The following COL4A5 variants were observed in gnomAD, a reference collection of about 807,000 sequenced individuals.
COL4A5 encodes the protein collagen alpha-5(IV) chain.
Under a neutral mutation model 130.2 loss-of-function variants are expected in COL4A5, and 26 were observed. The observed-to-expected ratio is 0.20, with a 90% CI of 0.15 to 0.28. The LOEUF (loss-of-function observed/expected upper bound fraction) is 0.28. Among genes scored for constraint, COL4A5 ranks in the 10% least tolerant of loss-of-function variants. COL4A5 has a pLI of 1.00. For synonymous variants in COL4A5, 496 were observed against 439.6 expected (o/e 1.13, Z -1.60); for missense variants, 1,131 against 1,344.3 (o/e 0.84, Z 2.48).
At chrX:108,662,477 A>T (rs1043511266) in intron 37 of COL4A5, among the ~76,000 whole-genome samples, 2 of 111,356 alleles carry the variant, frequency 1.8e-5, no homozygotes, top group African/African-American at 6.5e-5. Context: ...TTAGTAAAAA[A>T]CCAATCTCCT....
intron 1 of COL4A5, among the ~76,000 whole-genome samples, chrX:108,478,936 G>A (rs1316616628): frequency 1.8e-5 from 2 of 111,898 alleles, no homozygotes; most frequent in African/African-American, 6.5e-5. Context: ...GTGCCATATC[G>A]AGTGCTCATT....
At chrX:108,668,189 G>T in intron 40 of COL4A5, 130 bp from the exon 41 acceptor site, 1 of 585,480 alleles carries the variant, frequency 1.7e-6, no homozygotes, top group South Asian at 2.8e-5. Context: ...GGTAGATTTG[G>T]GATTTGGTAG....
At chrX:108,537,454 C>T (rs988316289) in intron 1 of COL4A5, among the ~76,000 whole-genome samples, 13 of 110,970 alleles carry the variant, frequency 1.2e-4, no homozygotes, top group East Asian at 2.8e-4. Flanking sequence ...AAATGACATG[C>T]GAGAGTATTT....
chrX:108,523,254 A>G (rs2065282268), intron 1 of COL4A5, among the ~76,000 whole-genome samples: 1 of 111,582 alleles, frequency 9.0e-6, no homozygotes, highest in East Asian at 2.8e-4. Flanking sequence ...ATCTGTTTTA[A>G]GTTAATTTCT....
In COL4A5 at chrX:108,483,383, A is replaced by C. The variant is rs759405877; in HGVS notation, c.81+43177A>C. Among the ~76,000 whole-genome samples the C allele has an allele frequency of 2.7e-5, 3 of 111,764 alleles. No homozygotes were observed. The South Asian group carries it at 1.1e-3, about 43-fold the overall frequency. The stretch of plus-strand genomic sequence containing the variant: ...AATTTGGAGTCTGATTTTCAAGGGC[A>C]GGAAGCATCCAGGATAGGAGAAAGG... On this transcript the variant is annotated intron_variant, in intron 1 of 52. Coordinates refer to ENST00000328300, the MANE Select transcript of COL4A5 (RefSeq NM_033380.3).
intron 28 of COL4A5, among the ~76,000 whole-genome samples, chrX:108,604,655 C>T (rs181979162): frequency 2.1e-4 from 23 of 112,067 alleles, no homozygotes; most frequent in African/African-American, 7.1e-4. Flanking sequence ...ATAGAGTCAG[C>T]CTGCCTTTTG....
intron 1 of COL4A5, among the ~76,000 whole-genome samples, chrX:108,533,818 A>G (rs28843178): frequency 0.1 from 11,526 of 110,786 alleles, 1,290 homozygotes; most frequent in African/African-American, 0.34. Flanking sequence ...TACAAAAGGA[A>G]CTCAAACAAC....
chrX:108,472,595 G>C (rs2064784318), intron 1 of COL4A5, among the ~76,000 whole-genome samples: 1 of 111,419 alleles, frequency 9.0e-6, no homozygotes, highest in South Asian at 3.8e-4. Context: ...TGTAACAGGG[G>C]TGACTTAAAG....
intron 37 of COL4A5, among the ~76,000 whole-genome samples, chrX:108,659,843 T>C (rs747163894): frequency 9.0e-6 from 1 of 111,294 alleles, no homozygotes; most frequent in African/African-American, 3.2e-5. Context: ...TCCAACAATC[T>C]TTCCCGTTTA....
At chrX:108,524,116 T>G (rs926006606) in intron 1 of COL4A5, among the ~76,000 whole-genome samples, 2 of 111,641 alleles carry the variant, frequency 1.8e-5, no homozygotes, top group African/African-American at 6.5e-5. Context: ...AAACCTACTA[T>G]GTACCCACAA....
Position 108,621,842 on chromosome X carries a change from C to A in COL4A5, c.2717C>A (p.Pro906Gln). The change falls in exon 32 of 53, where the codon CCA (proline) becomes CAA (glutamine). Residue 906 changes from proline to glutamine, a missense_variant. Pro to Gln is a moderately conservative substitution (Grantham distance 76). Coordinates refer to ENST00000328300, the MANE Select transcript of COL4A5 (RefSeq NM_033380.3). ...ATGGGTATGATGGGACCTCCAGGCC[C>A]ACCAGGACCTTTGGGAATTCCTGGC... Reference protein sequence around the residue: ...GEMGMMGPPGPPGPLGIPGRS... With the variant: ...GEMGMMGPPGQPGPLGIPGRS... 8.3e-7 allele frequency: 1 copy of A among 1,210,079 alleles called. No homozygotes were observed. The highest frequency in any genetic ancestry group is 1.1e-6 in the Non-Finnish European group (1 of 894,221).
At chrX:108,585,025 G>A (rs763106465) in intron 18 of COL4A5, among the ~76,000 whole-genome samples, 1 of 111,665 alleles carries the variant, frequency 9.0e-6, no homozygotes, top group African/African-American at 3.3e-5. Context: ...TTTTAATAAC[G>A]CATGTAGGAA....
At chrX:108,496,249 CATGTT>C (rs2065033496) in intron 1 of COL4A5, among the ~76,000 whole-genome samples, 1 of 111,725 alleles carries the variant, frequency 9.0e-6, no homozygotes, top group Non-Finnish European at 1.9e-5. Context: ...TCATTTTTGA[CATGTT>C]ATGTTTTCGT....
chrX:108,520,857 A>G (rs952017136), intron 1 of COL4A5, among the ~76,000 whole-genome samples: 2 of 111,697 alleles, frequency 1.8e-5, no homozygotes, highest in African/African-American at 6.5e-5. Flanking sequence ...CCAGATTTTC[A>G]AAAAATTTAA....
chrX:108,577,090 G>A (rs2066162304), intron 10 of COL4A5, among the ~76,000 whole-genome samples: 2 of 109,170 alleles, frequency 1.8e-5, no homozygotes. Flanking sequence ...CCACCAAGAG[G>A]CCAGGTGCTG....
At position 108,440,093 on chromosome X, in the gene COL4A5, G is replaced by C. The variant is rs778104873; in HGVS notation, c.-33G>C. On this transcript the variant is annotated 5_prime_UTR_variant, in exon 1 of 53. Transcript: ENST00000328300. ...TTAGAGCCAGCCGGGAATTTCGTGC[G>C]GGTGCTGAAGGAGCTGCGGGAGCCG... 10 of 1,137,826 alleles carry C rather than the reference G, an allele frequency of 8.8e-6. No homozygotes were observed. Among genetic ancestry groups the C allele is most frequent in the Non-Finnish European group, 1.1e-5 (9 of 833,005 alleles). The allele number at this position is 1,137,826 out of a possible 1,213,427, so 93.8% of individuals were successfully genotyped here. A position where few individuals can be genotyped will look rare whatever the true frequency, so the allele number is the denominator to read the frequency against.
At chrX:108,543,290 T>G (rs1438953560) in intron 2 of COL4A5, among the ~76,000 whole-genome samples, 1 of 111,762 alleles carries the variant, frequency 8.9e-6, no homozygotes, top group African/African-American at 3.3e-5. Flanking sequence ...TTGTATAAGG[T>G]GTAAGGAAGG....
intron 1 of COL4A5, among the ~76,000 whole-genome samples, chrX:108,529,936 G>A (rs2065363641): frequency 9.0e-6 from 1 of 111,349 alleles, no homozygotes; most frequent in African/African-American, 3.3e-5. Context: ...GAGAGAAATA[G>A]ATGACAATAC....
At chrX:108,597,622 G>A in intron 24 of COL4A5, 54 bp downstream of exon 24, 2 of 1,040,954 alleles carry the variant, frequency 1.9e-6, no homozygotes, top group African/African-American at 1.8e-5. Context: ...ACTTAGAAAT[G>A]TTTTCTAAGT....
Sources: allele counts gnomAD v4.1 joint callset (sites outside exome capture counted in the v4.1 genomes callset), GRCh38; gene constraint gnomAD v4.1.1; transcripts MANE v1.5; gene names NCBI Gene and HGNC (gene_info 2026-07-23, HGNC 2026-07-21).